TNPO2: variants seen among roughly 807,000 people sequenced by gnomAD.
TNPO2 encodes the protein transportin 2, also known as transportin-2.
A neutral mutation model predicts 111.1 loss-of-function variants in TNPO2; 16 were observed. The ratio of observed to expected loss-of-function variants is 0.14; its 90% confidence interval spans 0.10 to 0.22. The LOEUF is 0.22. Among genes scored for constraint, TNPO2 ranks in the 10% least tolerant of loss-of-function variants. The pLI is 1.00. For missense variants in TNPO2, 530 were observed against 1,173.7 expected, an observed-to-expected ratio of 0.45 and a Z score of 8.01; for synonymous variants, 481 against 475.8, an observed-to-expected ratio of 1.01 and a Z score of -0.14.
At position 12,706,785 on chromosome 19, in the gene TNPO2, C is replaced by T. The variant is rs2025695711; in HGVS notation, c.1281G>A (p.Gln427=). Reference sequence around the variant, plus strand: ...GCTCAGGCAGGTAGGGCACCATGCCCTGCATGCAGCCTACAAGGAAAGGGA... The same window carrying T: ...GCTCAGGCAGGTAGGGCACCATGCCTTGCATGCAGCCTACAAGGAAAGGGA... ...VLGAIAEGCM[Q]GMVPYLPELI... Residue 427 remains glutamine, a synonymous_variant, in exon 14 of 26, where the codon CAG becomes CAA. Coordinates refer to ENST00000425528, the MANE Select transcript of TNPO2 (RefSeq NM_001382241.1). This position sits in a 1 kb window ranked among gnomAD's most constrained non-coding sequence, Gnocchi z 7.0. 1 of 1,606,608 alleles carries T rather than the reference C, an allele frequency of 6.2e-7. No homozygotes were observed. Among genetic ancestry groups the T allele is most frequent in the African/African-American group, 1.3e-5 (1 of 74,738 alleles).
Position 12,701,766 on chromosome 19 carries a change from C to G in TNPO2, c.2497G>C (p.Gly833Arg). Residue 833 changes from glycine (G) to arginine (R), a missense_variant, in exon 23 of 26, where the codon GGG (glycine) becomes CGG (arginine). Around this residue, in one of 4 missense-constraint regions of TNPO2, gnomAD observed 103 missense variants for 156.7 expected, o/e 0.66. Coordinates refer to ENST00000425528, the MANE Select transcript of TNPO2 (RefSeq NM_001382241.1). This position sits in a 1 kb window ranked among gnomAD's most constrained non-coding sequence, Gnocchi z 5.0. The stretch of plus-strand genomic sequence containing the variant: ...GCTGCCCCAACCTGCACAACGCCCC[C>G]CGGGTTGACACCGATCATCATGCAG... ...GICMMIGVNPGGVVQDFIFFC... is the reference protein window; with the variant it reads ...GICMMIGVNPRGVVQDFIFFC... The G allele has an allele frequency of 6.2e-7, 1 of 1,613,836 alleles. No homozygotes were observed. The highest frequency in any genetic ancestry group is 8.5e-7 in the Non-Finnish European group (1 of 1,179,828).
In TNPO2 at chr19:12,699,219, T is replaced by C; in HGVS notation, c.*2045A>G. 4.8e-6 allele frequency: 2 copies of C among 420,094 alleles called. No homozygotes were observed. Among genetic ancestry groups the C allele is most frequent in the African/African-American group, 2.1e-5 (1 of 47,918 alleles). The allele number at this position is 420,094 out of a possible 1,614,324, so 26.0% of individuals were successfully genotyped here. ...TAAGGAGTTCACAAGAAACTGATCT[T>C]TACTCAACAAAGTTCTACACAAGTG... On this transcript the variant is annotated 3_prime_UTR_variant, in exon 26 of 26. Coordinates refer to ENST00000425528, the MANE Select transcript of TNPO2 (RefSeq NM_001382241.1).
At position 12,700,967 on chromosome 19, in the gene TNPO2, T is replaced by TG. The variant is rs2025259055; in HGVS notation, c.*296dup. ...GTGTAATTCCTCCCTCCCACGTAGC[T>TG]GGCCCAAGTGGGCTGCCAGAGATGA... is the stretch of plus-strand genomic sequence containing the variant. On this transcript the variant is annotated 3_prime_UTR_variant, in exon 26 of 26. Transcript: ENST00000425528. 4.5e-6 allele frequency: 1 copy of TG among 221,058 alleles called. No individual in the cohort carries two copies. The highest frequency in any genetic ancestry group is 2.3e-5 in the African/African-American group (1 of 43,468). The allele number at this position is 221,058 out of a possible 1,614,324, so 13.7% of individuals were successfully genotyped here. A position where few individuals can be genotyped will look rare whatever the true frequency, so the allele number is the denominator to read the frequency against.
At chr19:12,711,990 T>C (rs8110340) in intron 10 of TNPO2, among the ~76,000 whole-genome samples, 20,601 of 151,928 alleles carry the variant, frequency 0.14, 4,191 homozygotes, top group African/African-American at 0.44. Context: ...CAAGAATAGT[T>C]ATACCAGATA....
Position 12,705,961 on chromosome 19 carries a change from C to A in TNPO2, c.1669-193G>T. ...AAGCACCGCCCGCCCCACCCCACCC[C>A]CCGGGAGCCTGGGTTACCACCTCCT... On this transcript the variant is annotated intron_variant, in intron 15 of 25. Coordinates refer to ENST00000425528, the MANE Select transcript of TNPO2 (RefSeq NM_001382241.1). The surrounding 1 kb of genome is among the most constrained non-coding windows in gnomAD (Gnocchi z 7.2). The A allele has an allele frequency of 3.1e-6, 2 of 654,100 alleles. No homozygotes were observed. Among genetic ancestry groups the A allele is most frequent in the Non-Finnish European group, 2.6e-6 (1 of 387,836 alleles). The allele number at this position is 654,100 out of a possible 1,614,324, so 40.5% of individuals were successfully genotyped here. A position where few individuals can be genotyped will look rare whatever the true frequency, so the allele number is the denominator to read the frequency against.
rs1375004441 is a variant in TNPO2, at chr19:12,721,936, AC to A, written c.-13-947del. 1.4e-5 allele frequency among the ~76,000 whole-genome samples: 2 copies of A among 138,888 alleles called. No individual in the cohort carries two copies. Among genetic ancestry groups the A allele is most frequent in the Non-Finnish European group, 3.1e-5 (2 of 64,692 alleles). The allele number at this position is 138,888 out of a possible 152,430, so 91.1% of individuals were successfully genotyped here. A position where few individuals can be genotyped will look rare whatever the true frequency, so the allele number is the denominator to read the frequency against. On this transcript the variant is annotated intron_variant, in intron 2 of 25. Coordinates refer to ENST00000425528, the MANE Select transcript of TNPO2 (RefSeq NM_001382241.1). The surrounding 1 kb of genome is among the most constrained non-coding windows in gnomAD (Gnocchi z 4.9). The stretch of plus-strand genomic sequence containing the variant: ...CTCCCCCAGTTCGGCCTGGGTAAAC[AC>A]CCCCCGGGGCATTCCCCTCAACGGA...
intron 5 of TNPO2, among the ~76,000 whole-genome samples, 185 bp downstream of exon 5, chr19:12,718,844 T>G (rs920424370): frequency 6.6e-6 from 1 of 152,188 alleles, no homozygotes; most frequent in Non-Finnish European, 1.5e-5. Flanking sequence ...TGTTTCTGAC[T>G]TCTGCTGCTT....
Position 12,706,058 on chromosome 19 carries a change from C to T in TNPO2, c.1668+138G>A, listed in dbSNP as rs1013105313. The T allele has an allele frequency of 2.7e-5, 26 of 957,676 alleles. No homozygotes were observed. The African/African-American group carries it at 3.3e-4, about 12-fold the overall frequency. The allele number at this position is 957,676 out of a possible 1,614,324, so 59.3% of individuals were successfully genotyped here. ...CTCCCCCACTAGACTGGGAGCAGGG[C>T]GAGGGCGGGGCCGGGTCTGTCTGTC... On this transcript the variant is annotated intron_variant, in intron 15 of 25. Transcript: ENST00000425528. This position sits in a 1 kb window ranked among gnomAD's most constrained non-coding sequence, Gnocchi z 7.0.
At chr19:12,709,411 C>G (rs1223232765) in intron 13 of TNPO2, among the ~76,000 whole-genome samples, 1 of 145,966 alleles carries the variant, frequency 6.9e-6, no homozygotes, top group Admixed American at 6.6e-5. Flanking sequence ...CATATGTAAG[C>G]GTATTGTGTG....
rs372211922 is a variant in TNPO2 at position 12,715,800 on chromosome 19, C to A, written c.326-61G>T. The A allele has an allele frequency of 5.9e-6, 8 of 1,356,418 alleles. 1 individual carries two copies. The South Asian group carries it at 8.7e-5, about 15-fold the overall frequency. 84.0% of individuals were successfully genotyped at this position (1,356,418 alleles called of 1,614,324 possible). A position where few individuals can be genotyped will look rare whatever the true frequency, so the allele number is the denominator to read the frequency against. ...GGCAGGGGCTGCCTAGCACCTCCCC[C>A]TCCCACTGGACACCCCCAGTGCTGC... On this transcript the variant is annotated intron_variant, in intron 5 of 25. Transcript: ENST00000425528. This position sits in a 1 kb window ranked among gnomAD's most constrained non-coding sequence, Gnocchi z 7.1.
Position 12,702,162 on chromosome 19 carries a change from G to T in TNPO2, c.2321C>A (p.Pro774His). The stretch of plus-strand genomic sequence containing the variant: ...GATGGTGATGGCTGGAATGGCAGAG[G>T]GACTCGTCAGGCGACCTGCAACCCC... ...LLENTGRLTSPSAIPAITIGR... is the reference protein window; with the variant it reads ...LLENTGRLTSHSAIPAITIGR... The change falls in exon 22 of 26, where the codon CCC becomes CAC. Residue 774 changes from proline to histidine, a missense_variant. Physicochemically the swap from Pro to His is moderately conservative, Grantham distance 77. Coordinates refer to ENST00000425528, the MANE Select transcript of TNPO2 (RefSeq NM_001382241.1). This position sits in a 1 kb window ranked among gnomAD's most constrained non-coding sequence, Gnocchi z 5.5. 6.2e-7 allele frequency: 1 copy of T among 1,613,184 alleles called. No homozygotes were observed.
chr19:12,710,571 A>T, intron 13 of TNPO2, 50 bp downstream of exon 13: 2 of 1,594,404 alleles, frequency 1.3e-6, no homozygotes, highest in Non-Finnish European at 1.7e-6. Context: ...AATGTGGGCC[A>T]GCCCTACAGT....
chr19:12,710,400 A>C (rs552955369), intron 13 of TNPO2, among the ~76,000 whole-genome samples: 4 of 152,172 alleles, frequency 2.6e-5, no homozygotes, highest in Non-Finnish European at 5.9e-5. Context: ...TTACAACATG[A>C]AAGAACTACC....
intron 13 of TNPO2, among the ~76,000 whole-genome samples, chr19:12,709,176 G>A (rs1382488243): frequency 2.0e-5 from 3 of 151,856 alleles, no homozygotes; most frequent in Non-Finnish European, 4.4e-5. Context: ...CCTGGCCAAC[G>A]TGGTGAAACC....
Position 12,701,312 on chromosome 19 carries a change from T to C in TNPO2, c.*20+14A>G, listed in dbSNP as rs756958656. ...CCCAAGACAGTGCTGACTTGCCAGC[T>C]GCAGTCTCCTTACCTGGCAGTCTCC... On this transcript the variant is annotated intron_variant, in intron 25 of 25. Coordinates refer to ENST00000425528, the MANE Select transcript of TNPO2 (RefSeq NM_001382241.1). The surrounding 1 kb of genome is among the most constrained non-coding windows in gnomAD (Gnocchi z 5.0). The C allele has an allele frequency of 1.3e-6, 2 of 1,561,622 alleles. No homozygotes were observed. The highest frequency in any genetic ancestry group is 1.8e-6 in the Non-Finnish European group (2 of 1,134,468).
In TNPO2 at chr19:12,703,016, A is replaced by G. The variant is rs1599405974; in HGVS notation, c.2210-98T>C. On this transcript the variant is annotated intron_variant, in intron 20 of 25. Transcript: ENST00000425528. ...CTCACTACTCGCCCCAGTTCCAACT[A>G]GAGACTGGCCAACCACTACCAGTGA... 2.8e-5 allele frequency: 29 copies of G among 1,045,388 alleles called. No homozygotes were observed. In the East Asian group the frequency reaches 6.7e-4, roughly 24 times the overall value. The allele number at this position is 1,045,388 out of a possible 1,614,324, so 64.8% of individuals were successfully genotyped here. A position where few individuals can be genotyped will look rare whatever the true frequency, so the allele number is the denominator to read the frequency against.
At position 12,715,140 on chromosome 19, in the gene TNPO2, G is replaced by A. The variant is rs2026292521; in HGVS notation, c.678C>T (p.Asp226=). 1 of 1,604,776 alleles carries A rather than the reference G, an allele frequency of 6.2e-7. No homozygotes were observed. The highest frequency in any genetic ancestry group is 2.2e-5 in the East Asian group (1 of 44,754). Residue 226 remains aspartate, a synonymous_variant, in exon 9 of 26, where the codon GAC becomes GAT. Coordinates refer to ENST00000425528, the MANE Select transcript of TNPO2 (RefSeq NM_001382241.1). This position sits in a 1 kb window ranked among gnomAD's most constrained non-coding sequence, Gnocchi z 7.1. ...EHLFALAVDD[D]PEVRKNVCRA... is the part of the protein sequence containing the mutation. ...GGCACACATTCTTCCGCACCTCGGG[G>A]TCATCATCCACAGCCAGGGCAAATA...
Position 12,721,101 on chromosome 19 carries a change from G to A in TNPO2, c.-13-111C>T. On this transcript the variant is annotated intron_variant, in intron 2 of 25. Coordinates refer to ENST00000425528, the MANE Select transcript of TNPO2 (RefSeq NM_001382241.1). This position sits in a 1 kb window ranked among gnomAD's most constrained non-coding sequence, Gnocchi z 4.9. Reference sequence around the variant, plus strand: ...CATGACGACGGGAACGCCCTCGGCGGACAGGCGGAGGCCTCCGATCCACGC... The same window carrying A: ...CATGACGACGGGAACGCCCTCGGCGAACAGGCGGAGGCCTCCGATCCACGC... The A allele has an allele frequency of 2.0e-6, 3 of 1,526,218 alleles. No individual in the cohort carries two copies. The South Asian group carries it at 3.6e-5, about 18-fold the overall frequency. 94.5% of individuals were successfully genotyped at this position (1,526,218 alleles called of 1,614,324 possible).
At chr19:12,710,799 G>A in intron 12 of TNPO2, 26 bp from the exon 13 acceptor site, 1 of 1,587,706 alleles carries the variant, frequency 6.3e-7, no homozygotes, top group Non-Finnish European at 8.6e-7. Context: ...CAATGGGGAG[G>A]CTCAGGGCGG....
Sources: allele counts gnomAD v4.1 joint callset (sites outside exome capture counted in the v4.1 genomes callset), GRCh38; gene constraint gnomAD v4.1.1; regional missense constraint gnomAD v4.1.1; non-coding constraint Gnocchi (gnomAD v3.1); transcripts MANE v1.5; gene names NCBI Gene and HGNC (gene_info 2026-07-23, HGNC 2026-07-21).